The following COP1 variants were observed in gnomAD, a reference collection of about 807,000 sequenced individuals.
The protein encoded by COP1 is E3 ubiquitin-protein ligase COP1.
Under a neutral mutation model 101.3 loss-of-function variants are expected in COP1, and 24 were observed. That is an observed-to-expected ratio of 0.24 (90% CI 0.17 to 0.33). COP1 has a LOEUF of 0.33. COP1 is among the 10% of genes least tolerant of loss of function. The pLI is 1.00. For synonymous variants in COP1, 347 were observed against 341.9 expected, an observed-to-expected ratio of 1.01 and a Z score of -0.17; for missense variants, 663 against 906.2, an observed-to-expected ratio of 0.73 and a Z score of 3.45.
At chr1:176,006,770 C>G (rs1282542199) in intron 15 of COP1, among the ~76,000 whole-genome samples, 2 of 152,136 alleles carry the variant, frequency 1.3e-5, no homozygotes, top group Non-Finnish European at 2.9e-5. Flanking sequence ...TTCTCTCTGG[C>G]TGCCCTTAAC....
intron 8 of COP1, among the ~76,000 whole-genome samples, chr1:176,132,503 GTA>G (rs1346595954): frequency 6.6e-6 from 1 of 150,434 alleles, no homozygotes; most frequent in African/African-American, 2.4e-5. Flanking sequence ...ATGGGGGTAT[GTA>G]TGTGTGTGTG....
In COP1 at chr1:176,085,847, C is replaced by T. The variant is rs991566021; in HGVS notation, c.1070G>A (p.Arg357Gln). 2.5e-6 allele frequency: 4 copies of T among 1,608,166 alleles called. No homozygotes were observed. The highest frequency in any genetic ancestry group is 2.2e-5 in the East Asian group (1 of 44,750). The change falls in exon 10 of 20, where the codon CGA becomes CAA. Residue 357 changes from arginine (R) to glutamine (Q), a missense_variant. Arg to Gln is a conservative substitution (Grantham distance 43). This residue lies in a region of COP1 where 212 missense variants were observed against 240.7 expected (regional missense o/e 0.88). Transcript: ENST00000367669. ...PWYNSTLASR[R>Q]KRLTAHFEDL... is the part of the protein sequence containing the mutation. ...TTCAAAATGAGCAGTAAGTCGTTTT[C>T]GTCTTGATGCTAACGTGCTATTATA...
chr1:175,979,719 A>G (rs930932675), intron 18 of COP1, among the ~76,000 whole-genome samples: 3 of 152,128 alleles, frequency 2.0e-5, no homozygotes, highest in Admixed American at 1.3e-4. Flanking sequence ...TTATATGTAC[A>G]TATGAATGGT....
chr1:176,061,741 TAC>T (rs1674883906), intron 11 of COP1, among the ~76,000 whole-genome samples: 1 of 152,150 alleles, frequency 6.6e-6, no homozygotes, highest in South Asian at 2.1e-4. Flanking sequence ...CTAAAGTTAT[TAC>T]AATGATAGAA....
chr1:176,048,591 C>T (rs2149217881), intron 11 of COP1, among the ~76,000 whole-genome samples: 1 of 152,240 alleles, frequency 6.6e-6, no homozygotes, highest in South Asian at 2.1e-4. Flanking sequence ...AGAAATACTA[C>T]TTTATCTGGT....
chr1:176,001,320 G>A (rs913070767), intron 15 of COP1, among the ~76,000 whole-genome samples: 2 of 152,104 alleles, frequency 1.3e-5, no homozygotes, highest in Non-Finnish European at 2.9e-5. Flanking sequence ...TGAGTACGAT[G>A]TTAACATCAT....
chr1:176,134,954 C>T (rs1241118911), intron 8 of COP1, 56 bp downstream of exon 8: 2 of 1,289,866 alleles, frequency 1.6e-6, no homozygotes, highest in Non-Finnish European at 2.3e-6. Flanking sequence ...AAGGACTAGA[C>T]CATATGCATA....
intron 1 of COP1, among the ~76,000 whole-genome samples, chr1:176,194,276 G>C (rs1214604977): frequency 6.6e-6 from 1 of 152,016 alleles, no homozygotes; most frequent in Non-Finnish European, 1.5e-5. Context: ...GAGCAAACAA[G>C]ACAGTACACA....
intron 15 of COP1, among the ~76,000 whole-genome samples, chr1:176,003,668 T>C (rs12023737): frequency 0.29 from 44,434 of 151,842 alleles, 7,874 homozygotes; most frequent in Admixed American, 0.38. Context: ...TGTAGATACG[T>C]GGCGTTATTT....
intron 15 of COP1, among the ~76,000 whole-genome samples, chr1:176,022,444 T>C (rs1346361274): frequency 1.3e-5 from 2 of 152,236 alleles, no homozygotes; most frequent in Non-Finnish European, 2.9e-5. Context: ...TCACAAATGA[T>C]ATTTATTAAT....
rs1694133087 is a variant in COP1, at chr1:176,160,330, T to C, written c.762+2539A>G. ...GTGCAGAATGTGTAGGTTTGTTACC[T>C]AGGCAATATCATTCAGGACATAGGA... On this transcript the variant is annotated intron_variant, in intron 5 of 19. Coordinates refer to ENST00000367669, the MANE Select transcript of COP1 (RefSeq NM_022457.7). 1.4e-5 allele frequency: 5 copies of C among 354,412 alleles called. No individual in the cohort carries two copies. The Admixed American group carries it at 1.8e-4, about 13-fold the overall frequency. 22.0% of individuals were successfully genotyped at this position (354,412 alleles called of 1,614,324 possible).
At position 176,139,123 on chromosome 1, in the gene COP1, AAC is replaced by A. The variant is rs200141050; in HGVS notation, c.832-2578_832-2577del. Among the ~76,000 whole-genome samples the A allele has an allele frequency of 6.2e-3, 950 of 152,150 alleles. 9 individuals carry two copies. The highest frequency in any genetic ancestry group is 0.022 in the African/African-American group (899 of 41,508). ...CCATTAAAAAATGGGCACAGACATA[AAC>A]AGACAATTCCCAAAAGGCAACATAC... On this transcript the variant is annotated intron_variant, in intron 6 of 19. Coordinates refer to ENST00000367669, the MANE Select transcript of COP1 (RefSeq NM_022457.7).
chr1:176,129,724 T>C (rs546929387), intron 8 of COP1, among the ~76,000 whole-genome samples: 2 of 151,942 alleles, frequency 1.3e-5, no homozygotes, highest in East Asian at 3.9e-4. Flanking sequence ...AAGAGACTAA[T>C]AACTCACCAT....
intron 15 of COP1, among the ~76,000 whole-genome samples, chr1:176,003,539 G>A (rs1227714187): frequency 6.6e-6 from 1 of 151,230 alleles, no homozygotes; most frequent in African/African-American, 2.4e-5. Context: ...AAGGTGTAAG[G>A]AAGGGATCCA....
intron 15 of COP1, among the ~76,000 whole-genome samples, chr1:176,009,151 AGATCT>A (rs1250193026): frequency 6.6e-6 from 1 of 152,136 alleles, no homozygotes; most frequent in Non-Finnish European, 1.5e-5. Flanking sequence ...TTTGTTGTCC[AGATCT>A]TTGTTTTCAA....
At chr1:175,946,300 G>A (rs988556377) in intron 19 of COP1, among the ~76,000 whole-genome samples, 6 of 152,204 alleles carry the variant, frequency 3.9e-5, no homozygotes, top group African/African-American at 1.4e-4. Context: ...ATGTAAATTA[G>A]TGCAGTTCTT....
At chr1:176,070,203 A>C (rs1676716129) in intron 11 of COP1, among the ~76,000 whole-genome samples, 1 of 152,124 alleles carries the variant, frequency 6.6e-6, no homozygotes, top group African/African-American at 2.4e-5. Context: ...CTCTGCTTCA[A>C]GGTCAACATC....
chr1:175,990,197 C>A (rs1438526708), intron 15 of COP1, among the ~76,000 whole-genome samples: 2 of 151,974 alleles, frequency 1.3e-5, no homozygotes, highest in Non-Finnish European at 2.9e-5. Flanking sequence ...GTTATTTCTT[C>A]TTTGACTAAT....
chr1:176,048,389 T>C (rs75122522), intron 11 of COP1, among the ~76,000 whole-genome samples: 1,649 of 152,114 alleles, frequency 0.011, 14 homozygotes, highest in Non-Finnish European at 0.018. Flanking sequence ...TAGGGCACAA[T>C]TCAGCAAATG....
Sources: allele counts gnomAD v4.1 joint callset (sites outside exome capture counted in the v4.1 genomes callset), GRCh38; gene constraint gnomAD v4.1.1; regional missense constraint gnomAD v4.1.1; transcripts MANE v1.5; gene names NCBI Gene and HGNC (gene_info 2026-07-23, HGNC 2026-07-21).